The following RBFOX1 variants were observed in gnomAD, a reference collection of about 807,000 sequenced individuals.
The protein encoded by RBFOX1 is RNA binding fox-1 homolog 1.
RBFOX1 carries 8 observed loss-of-function variants against 57.7 expected under a neutral mutation model. The ratio of observed to expected loss-of-function variants is 0.14; its 90% CI spans 0.08 to 0.25. The LOEUF (loss-of-function observed/expected upper bound fraction) is 0.25. Ranked by LOEUF, RBFOX1 falls within the 10% of genes least tolerant of loss-of-function variation. The pLI, the probability that RBFOX1 is intolerant of heterozygous loss-of-function variation, is 1.00. For missense variants in RBFOX1, 611 were observed against 548.5 expected, an observed-to-expected ratio of 1.11 and a Z score of -1.14; for synonymous variants, 326 against 222.4, an observed-to-expected ratio of 1.47 and a Z score of -4.15.
intron 4 of RBFOX1, among the ~76,000 whole-genome samples, chr16:7,481,609 C>T (rs565159626): frequency 1.3e-5 from 2 of 152,196 alleles, no homozygotes; most frequent in Non-Finnish European, 2.9e-5. Context: ...CAGATAACTA[C>T]AGCAAATAAC....
intron 2 of RBFOX1, among the ~76,000 whole-genome samples, chr16:6,399,020 G>T (rs2092956342): frequency 1.3e-5 from 2 of 152,328 alleles, no homozygotes; most frequent in African/African-American, 2.4e-5. Context: ...CTAGGCGAAG[G>T]TTCCCAAACC....
chr16:7,281,326 C>T (rs2095539397), intron 4 of RBFOX1, among the ~76,000 whole-genome samples: 1 of 151,574 alleles, frequency 6.6e-6, no homozygotes, highest in African/African-American at 2.4e-5. Context: ...ATTTAATGAG[C>T]TTCTGCTTGG....
chr16:6,674,905 T>C lies in RBFOX1; in HGVS notation c.-16+20255T>C, dbSNP rs527629734. On this transcript the variant is annotated intron_variant, in intron 3 of 15. Coordinates refer to ENST00000550418, the MANE Select transcript of RBFOX1 (RefSeq NM_018723.4). Reference sequence around the variant, plus strand: ...GTTTTTTGTTTGTTTGGTGGTTTTTTTTGTTTGTCTTTTGTTTTTTGACAC... The same window carrying C: ...GTTTTTTGTTTGTTTGGTGGTTTTTCTTGTTTGTCTTTTGTTTTTTGACAC... 1.3e-3 allele frequency among the ~76,000 whole-genome samples: 193 copies of C among 152,162 alleles called. 2 individuals are homozygous for C. The highest frequency in any genetic ancestry group is 2.4e-3 in the Non-Finnish European group (164 of 67,986).
At chr16:6,110,195 C>CTTTTTTT (rs3049169) in intron 1 of RBFOX1, among the ~76,000 whole-genome samples, 1 of 128,230 alleles carries the variant, frequency 7.8e-6, no homozygotes, top group Non-Finnish European at 1.6e-5. Flanking sequence ...TTTTCTTCTT[C>CTTTTTTT]TTTTTTTTTT....
chr16:5,461,703 G>C (rs1277452269), intron 1 of RBFOX1, among the ~76,000 whole-genome samples: 2 of 152,170 alleles, frequency 1.3e-5, no homozygotes, highest in African/African-American at 2.4e-5. Flanking sequence ...TTCCTTGGCA[G>C]AACCTAATGA....
intron 2 of RBFOX1, among the ~76,000 whole-genome samples, chr16:6,468,434 T>C (rs2095100595): frequency 6.6e-6 from 1 of 152,174 alleles, no homozygotes; most frequent in Non-Finnish European, 1.5e-5. Context: ...AATACAATTA[T>C]AGCTTAGGAC....
intron 3 of RBFOX1, among the ~76,000 whole-genome samples, chr16:5,698,494 C>T (rs1352270483): frequency 6.6e-6 from 1 of 152,132 alleles, no homozygotes; most frequent in African/African-American, 2.4e-5. Context: ...ATGTAATATA[C>T]TAGTTTTTGT....
intron 3 of RBFOX1, among the ~76,000 whole-genome samples, chr16:5,633,228 C>T (rs8047607): frequency 0.86 from 130,498 of 152,114 alleles, 56,517 homozygotes; most frequent in Non-Finnish European, 0.9. Context: ...TGAGCCACCA[C>T]GCCCAGCCAA....
chr16:5,511,764 C>T (rs923619718), intron 2 of RBFOX1, among the ~76,000 whole-genome samples: 17 of 152,120 alleles, frequency 1.1e-4, no homozygotes, highest in African/African-American at 4.1e-4. Flanking sequence ...TCCTATTCAC[C>T]ATGTGATGCT....
At chr16:7,218,057 G>C (rs901328294) in intron 4 of RBFOX1, among the ~76,000 whole-genome samples, 1 of 130,042 alleles carries the variant, frequency 7.7e-6, no homozygotes, top group Non-Finnish European at 1.6e-5. Flanking sequence ...ATTTGCATGC[G>C]TGTGCGTGTG....
intron 1 of RBFOX1, among the ~76,000 whole-genome samples, chr16:5,416,499 C>A (rs548196466): frequency 2.6e-5 from 4 of 152,200 alleles, no homozygotes; most frequent in African/African-American, 9.6e-5. Flanking sequence ...CCATACTGGG[C>A]TAGAAACTGG....
chr16:7,668,948 G>A (rs1041374528), intron 13 of RBFOX1, among the ~76,000 whole-genome samples: 11 of 152,156 alleles, frequency 7.2e-5, no homozygotes, highest in African/African-American at 2.7e-4. Context: ...CTGTCGCCCA[G>A]GCTGGAGCAC....
chr16:7,411,453 A>G (rs527803332), intron 4 of RBFOX1, among the ~76,000 whole-genome samples: 41 of 152,340 alleles, frequency 2.7e-4, no homozygotes, highest in African/African-American at 9.6e-4. Flanking sequence ...CTTAGCAAAG[A>G]TGTTGAACAC....
chr16:7,610,673 C>T (rs2057312026), intron 10 of RBFOX1, among the ~76,000 whole-genome samples: 1 of 152,144 alleles, frequency 6.6e-6, no homozygotes, highest in African/African-American at 2.4e-5. Flanking sequence ...AATGTGGGGA[C>T]ATGTAGCTGT....
At chr16:7,158,954 C>T (rs543512723) in intron 4 of RBFOX1, among the ~76,000 whole-genome samples, 2 of 152,038 alleles carry the variant, frequency 1.3e-5, no homozygotes, top group African/African-American at 4.8e-5. Flanking sequence ...TGGCCACCAA[C>T]ACAGTGAAGA....
chr16:6,798,107 A>G (rs1439698858), intron 3 of RBFOX1, among the ~76,000 whole-genome samples: 2 of 152,116 alleles, frequency 1.3e-5, no homozygotes, highest in Non-Finnish European at 1.5e-5. Context: ...CTTAAACAGC[A>G]TCTAGCACGC....
At chr16:7,197,462 A>C (rs969969632) in intron 4 of RBFOX1, among the ~76,000 whole-genome samples, 25 of 148,068 alleles carry the variant, frequency 1.7e-4, no homozygotes, top group Non-Finnish European at 3.3e-4. Context: ...AAAAAAAAAA[A>C]CATCAAGCTG....
At chr16:5,665,073 G>T (rs950023074) in intron 3 of RBFOX1, among the ~76,000 whole-genome samples, 2 of 147,930 alleles carry the variant, frequency 1.4e-5, no homozygotes, top group Non-Finnish European at 3.0e-5. Flanking sequence ...AGGCTCCCGA[G>T]TAGCTGAGAC....
intron 2 of RBFOX1, among the ~76,000 whole-genome samples, chr16:5,515,624 G>GAC (rs2043764059): frequency 6.6e-6 from 1 of 152,168 alleles, no homozygotes; most frequent in Non-Finnish European, 1.5e-5. Flanking sequence ...ATCAATTTGG[G>GAC]TACGGTTGAA....
Sources: gnomAD v4.1 joint callset for allele counts (sites outside exome capture counted in the v4.1 genomes callset) on GRCh38, gnomAD v4.1.1 for gene constraint, MANE v1.5 for transcripts, NCBI Gene and HGNC (gene_info 2026-07-23, HGNC 2026-07-21) for gene names.